USP42: variants seen among roughly 807,000 people sequenced by gnomAD.
USP42 encodes ubiquitin specific peptidase 42, also known as ubiquitin carboxyl-terminal hydrolase 42.
Under a neutral mutation model 113.0 loss-of-function variants are expected in USP42, and 23 were observed. The observed-to-expected ratio is 0.20, with a 90% CI of 0.15 to 0.29. USP42 has a LOEUF of 0.29. Among genes scored for constraint, USP42 ranks in the 10% least tolerant of loss-of-function variants. The probability of loss-of-function intolerance (pLI) is 1.00; values close to 1 mark genes in which losing one functional copy is unlikely to be tolerated. For missense variants in USP42, 2,174 were observed against 1,779.8 expected, an observed-to-expected ratio of 1.22 and a Z score of -3.99; for synonymous variants, 933 against 699.0, an observed-to-expected ratio of 1.33 and a Z score of -5.28.
At chr7:6,130,536 TG>T (rs1210350957) in intron 3 of USP42, among the ~76,000 whole-genome samples, 1 of 152,080 alleles carries the variant, frequency 6.6e-6, no homozygotes, top group East Asian at 1.9e-4. Flanking sequence ...CAACGTGGGG[TG>T]GGACAGGGTT....
the USP42 span, among the ~76,000 whole-genome samples, chr7:6,096,266 A>G: frequency 6.6e-6 from 1 of 151,302 alleles, no homozygotes; most frequent in African/African-American, 2.5e-5. Flanking sequence ...TGAGGCCAGC[A>G]GTTCGAGACC....
chr7:6,154,052 A>C lies in USP42; in HGVS notation c.2498A>C (p.Gln833Pro). 1 of 1,605,854 alleles carries C rather than the reference A, an allele frequency of 6.2e-7. No homozygotes were observed. Among genetic ancestry groups the C allele is most frequent in the Non-Finnish European group, 8.5e-7 (1 of 1,179,298 alleles). The change falls in exon 15 of 18, where the codon CAG becomes CCG. Residue 833 changes from glutamine (Q) to proline (P), a missense_variant. Coordinates refer to ENST00000306177, the MANE Select transcript of USP42 (RefSeq NM_032172.3). Reference protein sequence around the residue: ...SLTGDASPLSQDAKGMIAEGP... With the variant: ...SLTGDASPLSPDAKGMIAEGP... ...ACAGGCGATGCGAGCCCGTTGTCCC[A>C]GGACGCAAAGGGGATGATCGCGGAG...
rs535288929 is a variant in USP42 at position 6,155,163 on chromosome 7, A to T, written c.3609A>T (p.Lys1203Asn). ...KKHKKSKKKK[K>N]SKDKHRDRDS... The stretch of plus-strand genomic sequence containing the variant: ...ACAAAAAATCAAAGAAGAAAAAGAA[A>T]TCCAAAGACAAACACCGAGACCGCG... The change falls in exon 15 of 18, where the codon AAA (lysine) becomes AAT (asparagine). Residue 1203 changes from lysine (K) to asparagine (N), a missense_variant. Coordinates refer to ENST00000306177, the MANE Select transcript of USP42 (RefSeq NM_032172.3). 1 of 1,543,222 alleles carries T rather than the reference A, an allele frequency of 6.5e-7. No homozygotes were observed. Among genetic ancestry groups the T allele is most frequent in the East Asian group, 2.4e-5 (1 of 40,906 alleles).
chr7:6,133,710 G>A (rs899079571), intron 3 of USP42, among the ~76,000 whole-genome samples: 2 of 151,870 alleles, frequency 1.3e-5, no homozygotes, highest in African/African-American at 2.4e-5. Flanking sequence ...AGTAGAGATG[G>A]GGTTTTTCTG....
In USP42 at chr7:6,154,428, G is replaced by A; in HGVS notation, c.2874G>A (p.Glu958=). The change falls in exon 15 of 18, where the codon GAG becomes GAA. Residue 958 remains glutamate (E), a synonymous_variant. Coordinates refer to ENST00000306177, the MANE Select transcript of USP42 (RefSeq NM_032172.3). ...GAGGCCACTACCGCAGCCGGAGAGA[G>A]CGCTCGTCCAGCGGGGAGCCCGCCA... ...VDRGHYRSRR[E]RSSSGEPARE... The A allele has an allele frequency of 1.3e-6, 2 of 1,573,924 alleles. No homozygotes were observed. The highest frequency in any genetic ancestry group is 1.7e-6 in the Non-Finnish European group (2 of 1,161,438).
chr7:6,090,300 CAA>C, the USP42 span, among the ~76,000 whole-genome samples: 2,128 of 103,036 alleles, frequency 0.021, 131 homozygotes, highest in African/African-American at 0.082. Context: ...AACTCTGTCT[CAA>C]AAAAAAAAAA....
At chr7:6,130,384 T>G (rs903068603) in intron 3 of USP42, among the ~76,000 whole-genome samples, 11 of 151,908 alleles carry the variant, frequency 7.2e-5, no homozygotes, top group Non-Finnish European at 1.6e-4. Context: ...GCAGTGGGAG[T>G]GGTTTTGTTA....
intron 1 of USP42, among the ~76,000 whole-genome samples, chr7:6,110,678 G>A (rs1208018675): frequency 6.6e-6 from 1 of 152,156 alleles, no homozygotes; most frequent in African/African-American, 2.4e-5. Flanking sequence ...TTTTTTCTGT[G>A]TAGTTGATGC....
chr7:6,117,818 T>G (rs990239871), intron 3 of USP42, among the ~76,000 whole-genome samples: 8 of 152,224 alleles, frequency 5.3e-5, no homozygotes, highest in South Asian at 2.1e-4. Flanking sequence ...CCTCTTTTCT[T>G]TTTTGTTTTG....
At position 6,154,059 on chromosome 7, in the gene USP42, A is replaced by C; in HGVS notation, c.2505A>C (p.Ala835=). The part of the protein sequence containing the change: ...TGDASPLSQD[A]KGMIAEGPRD... ...ATGCGAGCCCGTTGTCCCAGGACGC[A>C]AAGGGGATGATCGCGGAGGGCCCGC... is the stretch of plus-strand genomic sequence containing the variant. Residue 835 remains alanine, a synonymous_variant, in exon 15 of 18, where the codon GCA becomes GCC. Transcript: ENST00000306177. 6.2e-7 allele frequency: 1 copy of C among 1,606,132 alleles called. No homozygotes were observed. The highest frequency in any genetic ancestry group is 2.2e-5 in the East Asian group (1 of 44,858).
At chr7:6,103,553 C>G (rs981876294), upstream of USP42, among the ~76,000 whole-genome samples, 1 of 149,430 alleles carries the variant, frequency 6.7e-6, no homozygotes, top group Non-Finnish European at 1.5e-5. Context: ...CTTTCTGTAA[C>G]TCAGTGTGTG....
At position 6,133,683 on chromosome 7, in the gene USP42, C is replaced by A. The variant is rs552031820; in HGVS notation, c.443-2158C>A. ...TACAAGCACGTGCCACCACACCTGG[C>A]TAATTTTTGTATTTTTAGTAGAGAT... On this transcript the variant is annotated intron_variant, in intron 3 of 17. Coordinates refer to ENST00000306177, the MANE Select transcript of USP42 (RefSeq NM_032172.3). 2.2e-3 allele frequency among the ~76,000 whole-genome samples: 333 copies of A among 152,034 alleles called. 2 individuals carry two copies. The highest frequency in any genetic ancestry group is 3.6e-3 in the Admixed American group (55 of 15,230).
Position 6,155,111 on chromosome 7 carries a change from C to G in USP42, c.3557C>G (p.Pro1186Arg). Residue 1186 changes from proline (P) to arginine (R), a missense_variant, in exon 15 of 18, where the codon CCT becomes CGT. Pro to Arg is a moderately radical substitution (Grantham distance 103). Coordinates refer to ENST00000306177, the MANE Select transcript of USP42 (RefSeq NM_032172.3). ...GCCCGGAGGAGCGAACAGAAGGATC[C>G]TCTAGAAGAGCCTAAAGCAAAGAAG... is the stretch of plus-strand genomic sequence containing the variant. Reference protein sequence around the residue: ...KKARRSEQKDPLEEPKAKKHK... With the variant: ...KKARRSEQKDRLEEPKAKKHK... 4 of 1,558,974 alleles carry G rather than the reference C, an allele frequency of 2.6e-6. No individual in the cohort carries two copies. Among genetic ancestry groups the G allele is most frequent in the Non-Finnish European group, 3.5e-6 (4 of 1,151,608 alleles).
chr7:6,086,762 T>C, the USP42 span, among the ~76,000 whole-genome samples: 1 of 149,998 alleles, frequency 6.7e-6, no homozygotes, highest in Non-Finnish European at 1.5e-5. Context: ...GTTTCGCTCT[T>C]GTCGCCCAGG....
intron 3 of USP42, among the ~76,000 whole-genome samples, chr7:6,131,636 T>A (rs960228923): frequency 2.0e-5 from 3 of 152,204 alleles, no homozygotes; most frequent in South Asian, 2.1e-4. Context: ...CTGGGCTTGG[T>A]TGCCTGCAGT....
At chr7:6,151,433 C>CT (rs1468776090) in intron 14 of USP42, among the ~76,000 whole-genome samples, 1 of 151,784 alleles carries the variant, frequency 6.6e-6, no homozygotes, top group Admixed American at 6.6e-5. Context: ...AAAATAACTT[C>CT]TTTTTTTGTT....
At chr7:6,142,898 G>A (rs371266011) in intron 7 of USP42, 34 bp from the exon 8 acceptor site, 46 of 1,606,002 alleles carry the variant, frequency 2.9e-5, no homozygotes, top group South Asian at 9.9e-5. Context: ...GACGGTGTGC[G>A]GTGATGTGGT....
At chr7:6,145,914 A>G (rs1316554034) in intron 10 of USP42, among the ~76,000 whole-genome samples, 1 of 152,184 alleles carries the variant, frequency 6.6e-6, no homozygotes, top group Non-Finnish European at 1.5e-5. Context: ...TATTAAAAAT[A>G]CAAAAATTAT....
chr7:6,156,616 A>T, intron 15 of USP42, 138 bp from the exon 16 acceptor site: 1 of 1,322,368 alleles, frequency 7.6e-7, no homozygotes, highest in Non-Finnish European at 9.8e-7. Context: ...TACCTGGCCT[A>T]CGTGGCTAAT....
Sources: gnomAD v4.1 joint callset for allele counts (sites outside exome capture counted in the v4.1 genomes callset) on GRCh38, gnomAD v4.1.1 for gene constraint, MANE v1.5 for transcripts, NCBI Gene and HGNC (gene_info 2026-07-23, HGNC 2026-07-21) for gene names.